Variants in KCNS1 observed in about 807,000 individuals in gnomAD.
The protein encoded by KCNS1 is delayed-rectifier potassium channel regulatory subunit KCNS1.
KCNS1 carries 26 observed loss-of-function variants against 33.1 expected under a neutral mutation model. That is an observed-to-expected ratio of 0.79 (90% CI 0.58 to 1.09). The LOEUF (loss-of-function observed/expected upper bound fraction) is 1.09, where lower values mean the gene tolerates loss of function less well. Ranked by LOEUF, KCNS1 falls within the 50% of genes least tolerant of loss-of-function variation. KCNS1 has a pLI of 0.00. For missense variants in KCNS1, 702 were observed against 752.4 expected (o/e 0.93, Z 0.78); for synonymous variants, 299 against 338.8 (o/e 0.88, Z 1.29).
chr20:45,098,524 G>T lies in KCNS1; in HGVS notation c.248C>A (p.Ala83Glu), dbSNP rs750703786. 4 of 1,506,914 alleles carry T rather than the reference G, an allele frequency of 2.7e-6. No individual in the cohort carries two copies. In the South Asian group the frequency reaches 3.8e-5, roughly 14 times the overall value. 93.3% of individuals were successfully genotyped at this position (1,506,914 alleles called of 1,614,324 possible). ...GTRLGRLQAA[A>E]SEEQARRLCD... is the part of the protein sequence containing the mutation. ...CAGGCGCCGCGCCTGCTCCTCCGAC[G>T]CCGCGGCCTGCAGGCGGCCCAGCCG... is the stretch of plus-strand genomic sequence containing the variant. The change falls in exon 3 of 4, where the codon GCG (alanine) becomes GAG (glutamate). Residue 83 changes from alanine to glutamate, a missense_variant. Around this residue, in one of 3 missense-constraint regions of KCNS1, gnomAD observed 374 missense variants for 352.3 expected, o/e 1.06. Transcript: ENST00000537075. This position sits in a 1 kb window ranked among gnomAD's most constrained non-coding sequence, Gnocchi z 5.2.
Position 45,094,641 on chromosome 20 carries a change from T to C in KCNS1, c.*229A>G. 1 of 518,000 alleles carries C rather than the reference T, an allele frequency of 1.9e-6. No homozygotes were observed. The highest frequency in any genetic ancestry group is 3.4e-6 in the Non-Finnish European group (1 of 291,370). 32.1% of individuals were successfully genotyped at this position (518,000 alleles called of 1,614,324 possible). ...CTCCCTCTGGCTCATGCCTGCTTCA[T>C]GAATGGCTTGGAGGCAGGTTTATAA... On this transcript the variant is annotated 3_prime_UTR_variant, in exon 4 of 4. Transcript: ENST00000537075.
chr20:45,098,482 T>C lies in KCNS1; in HGVS notation c.290A>G (p.Glu97Gly). The C allele has an allele frequency of 6.4e-7, 1 of 1,555,716 alleles. No homozygotes were observed. Among genetic ancestry groups the C allele is most frequent in the Non-Finnish European group, 8.7e-7 (1 of 1,151,278 alleles). The change falls in exon 3 of 4, where the codon GAG (glutamate) becomes GGG (glycine). Residue 97 changes from glutamate (E) to glycine (G), a missense_variant. Physicochemically the swap from Glu to Gly is moderately conservative, Grantham distance 98. Coordinates refer to ENST00000537075, the MANE Select transcript of KCNS1 (RefSeq NM_001322799.2). The surrounding 1 kb of genome is among the most constrained non-coding windows in gnomAD (Gnocchi z 5.2). ...GTCGAAGTAGAATTCGCGCGCCGCCTCGTCGTAGTCGTCGCACAGGCGCCG... is the reference window on the plus strand; with the variant it reads ...GTCGAAGTAGAATTCGCGCGCCGCCCCGTCGTAGTCGTCGCACAGGCGCCG... ...QARRLCDDYD[E>G]AAREFYFDRH...
At position 45,094,112 on chromosome 20, in the gene KCNS1, T is replaced by C. The variant is rs1366144935; in HGVS notation, c.*758A>G. Reference sequence around the variant, plus strand: ...CCCTGGGAGGAAGGTCGGAAGATTATTGCTTAGCAAATCTTGCATACCAGC... The same window carrying C: ...CCCTGGGAGGAAGGTCGGAAGATTACTGCTTAGCAAATCTTGCATACCAGC... On this transcript the variant is annotated 3_prime_UTR_variant, in exon 4 of 4. Transcript: ENST00000537075. The C allele has an allele frequency of 6.6e-6, 1 of 152,222 alleles. No individual in the cohort carries two copies. Among genetic ancestry groups the C allele is most frequent in the Admixed American group, 6.5e-5 (1 of 15,288 alleles). 9.4% of individuals were successfully genotyped at this position (152,222 alleles called of 1,614,324 possible). A position where few individuals can be genotyped will look rare whatever the true frequency, so the allele number is the denominator to read the frequency against.
rs1981083421 is a variant in KCNS1, at chr20:45,093,865, C to T, written c.*1005G>A. On this transcript the variant is annotated 3_prime_UTR_variant, in exon 4 of 4. Transcript: ENST00000537075. The stretch of plus-strand genomic sequence containing the variant: ...GAAGCCAGTATTCATATATGTCAGC[C>T]CTCTGAACATTTCAGAGCTGAGCTG... 1 of 152,200 alleles carries T rather than the reference C, an allele frequency of 6.6e-6. No homozygotes were observed. The highest frequency in any genetic ancestry group is 6.5e-5 in the Admixed American group (1 of 15,280). The allele number at this position is 152,200 out of a possible 1,614,324, so 9.4% of individuals were successfully genotyped here.
Position 45,094,765 on chromosome 20 carries a change from T to C in KCNS1, c.*105A>G. The C allele has an allele frequency of 1.1e-6, 1 of 922,882 alleles. No homozygotes were observed. Among genetic ancestry groups the C allele is most frequent in the Non-Finnish European group, 1.7e-6 (1 of 593,338 alleles). 57.2% of individuals were successfully genotyped at this position (922,882 alleles called of 1,614,324 possible). A position where few individuals can be genotyped will look rare whatever the true frequency, so the allele number is the denominator to read the frequency against. ...GAATGCAGCTTTTGAATCTCATTTC[T>C]CAGGACAGCATGAGTGATCCTGGGA... is the stretch of plus-strand genomic sequence containing the variant. On this transcript the variant is annotated 3_prime_UTR_variant, in exon 4 of 4. Coordinates refer to ENST00000537075, the MANE Select transcript of KCNS1 (RefSeq NM_001322799.2).
chr20:45,096,863 C>T (rs1470557723), intron 3 of KCNS1, among the ~76,000 whole-genome samples: 2 of 152,262 alleles, frequency 1.3e-5, no homozygotes, highest in Non-Finnish European at 1.5e-5. Flanking sequence ...TCTTCAATTT[C>T]ATCTCTGGGA....
Position 45,098,551 on chromosome 20 carries a change from G to A in KCNS1, c.221C>T (p.Thr74Met). The A allele has an allele frequency of 7.1e-6, 10 of 1,417,006 alleles. No individual in the cohort carries two copies. The highest frequency in any genetic ancestry group is 9.2e-6 in the Non-Finnish European group (10 of 1,083,634). The allele number at this position is 1,417,006 out of a possible 1,614,324, so 87.8% of individuals were successfully genotyped here. A position where few individuals can be genotyped will look rare whatever the true frequency, so the allele number is the denominator to read the frequency against. The change falls in exon 3 of 4, where the codon ACG becomes ATG. Residue 74 changes from threonine (T) to methionine (M), a missense_variant. This residue lies in a region of KCNS1 where 374 missense variants were observed against 352.3 expected (regional missense o/e 1.06). Coordinates refer to ENST00000537075, the MANE Select transcript of KCNS1 (RefSeq NM_001322799.2). The surrounding 1 kb of genome is among the most constrained non-coding windows in gnomAD (Gnocchi z 5.2). The stretch of plus-strand genomic sequence containing the variant: ...CGCGGCCTGCAGGCGGCCCAGCCGC[G>A]TGCCCGGGAAGCGCGCCAGGGCGCG... ...SARALARFPGTRLGRLQAAAS... is the reference protein window; with the variant it reads ...SARALARFPGMRLGRLQAAAS...
At position 45,097,848 on chromosome 20, in the gene KCNS1, G is replaced by A. The variant is rs376681351; in HGVS notation, c.924C>T (p.Ile308=). Residue 308 remains isoleucine (I), a synonymous_variant, in exon 3 of 4, where the codon ATC becomes ATT. Coordinates refer to ENST00000537075, the MANE Select transcript of KCNS1 (RefSeq NM_001322799.2). ...RNFFCHPLNL[I]DIVSVLPFYL... ...AGAAGGGCAGCACAGACACAATGTC[G>A]ATGAGGTTGAGCGGGTGGCAGAAGA... 3.7e-6 allele frequency: 6 copies of A among 1,613,378 alleles called. No individual in the cohort carries two copies. The highest frequency in any genetic ancestry group is 1.3e-5 in the African/African-American group (1 of 74,950).
Position 45,097,921 on chromosome 20 carries a change from CT to C in KCNS1, c.850del (p.Ser284AlafsTer134). On this transcript the variant is annotated frameshift_variant, in exon 3 of 4. Transcript: ENST00000537075. LOFTEE classifies it high-confidence loss of function. ...CAGGAGGCGCGACGACACCTCGAAG[CT>C]GAACCAGGCGATGCAGAAGTACTCG... ...RLEYFCIAWF[S>X]FEVSSRLLLA... The C allele has an allele frequency of 6.3e-7, 1 of 1,598,346 alleles. No homozygotes were observed. Among genetic ancestry groups the C allele is most frequent in the Non-Finnish European group, 8.5e-7 (1 of 1,173,138 alleles).
rs73910116 is a variant in KCNS1, at chr20:45,099,192, C to A, written c.45G>T (p.Arg15=). 2 of 1,551,088 alleles carry A rather than the reference C, an allele frequency of 1.3e-6. No individual in the cohort carries two copies. Among genetic ancestry groups the A allele is most frequent in the African/African-American group, 2.7e-5 (2 of 72,968 alleles). The change falls in exon 2 of 4, where the codon CGG becomes CGT. Residue 15 remains arginine (R), a synonymous_variant. Coordinates refer to ENST00000537075, the MANE Select transcript of KCNS1 (RefSeq NM_001322799.2). ...LVRGTHYENL[R]SKVVLPTPLG... ...GGGGTGTTGGCAGCACCACTTTAGA[C>A]CGGAGGTTCTCATAGTGTGTTCCCC...
At position 45,097,660 on chromosome 20, in the gene KCNS1, A is replaced by C; in HGVS notation, c.1110+2T>G. On this transcript the variant is annotated splice_donor_variant, in intron 3 of 3. Transcript: ENST00000537075. LOFTEE classifies it high-confidence loss of function. ...GCTCCAACCTGGCCTCAGAGGCCGT[A>C]CCTTGAGCGTGGCTCCCAGCGAGCG... 6.2e-7 allele frequency: 1 copy of C among 1,601,154 alleles called. No homozygotes were observed. Among genetic ancestry groups the C allele is most frequent in the Non-Finnish European group, 8.5e-7 (1 of 1,178,064 alleles).
rs570515654 is a variant in KCNS1 at position 45,091,599 on chromosome 20, C to T, written c.*3271G>A. Among the ~76,000 whole-genome samples the T allele has an allele frequency of 7.9e-5, 12 of 152,294 alleles. No homozygotes were observed. Among genetic ancestry groups the T allele is most frequent in the Non-Finnish European group, 1.6e-4 (11 of 68,020 alleles). On this transcript the variant is annotated 3_prime_UTR_variant, in exon 4 of 4. Coordinates refer to ENST00000537075, the MANE Select transcript of KCNS1 (RefSeq NM_001322799.2). ...TGTCCATATTTTAATCTCTGGAACC[C>T]GTAACTATTACCTTATTTGGGAAAG... is the stretch of plus-strand genomic sequence containing the variant.
intron 3 of KCNS1, among the ~76,000 whole-genome samples, chr20:45,096,176 G>C (rs1981178988): frequency 6.6e-6 from 1 of 152,204 alleles, no homozygotes; most frequent in African/African-American, 2.4e-5. Context: ...GTCTTGGGTA[G>C]AGCCAGAGAA....
rs1540310 is a variant in KCNS1, at chr20:45,091,344, C to G, written c.*3526G>C. On this transcript the variant is annotated 3_prime_UTR_variant, in exon 4 of 4. Coordinates refer to ENST00000537075, the MANE Select transcript of KCNS1 (RefSeq NM_001322799.2). ...TATGACTCAAGTGAAATCAGACTCT[C>G]TCCTGGGATTGGAACTGTGAGCAGG... is the stretch of plus-strand genomic sequence containing the variant. Among the ~76,000 whole-genome samples the G allele has an allele frequency of 0.47, 71,575 of 152,030 alleles. 17,344 individuals carry two copies. The highest frequency in any genetic ancestry group is 0.56 in the Middle Eastern group (165 of 294).
chr20:45,095,666 CA>C (rs1346832399), intron 3 of KCNS1, among the ~76,000 whole-genome samples: 1 of 152,202 alleles, frequency 6.6e-6, no homozygotes, highest in East Asian at 1.9e-4. Context: ...GTTGCAGAAC[CA>C]AGAGAACCAT....
chr20:45,099,185 C>A lies in KCNS1; in HGVS notation c.52G>T (p.Val18Leu), dbSNP rs1211370598. The A allele has an allele frequency of 2.1e-5, 32 of 1,551,468 alleles. No homozygotes were observed. The highest frequency in any genetic ancestry group is 2.7e-5 in the Non-Finnish European group (31 of 1,146,864). Residue 18 changes from valine to leucine, a missense_variant, in exon 2 of 4, where the codon GTG (valine) becomes TTG (leucine). Physicochemically the swap from Val to Leu is conservative, Grantham distance 32. This residue lies in a region of KCNS1 where 374 missense variants were observed against 352.3 expected (regional missense o/e 1.06). Transcript: ENST00000537075. Reference sequence around the variant, plus strand: ...CCTCCTAGGGGTGTTGGCAGCACCACTTTAGACCGGAGGTTCTCATAGTGT... The same window carrying A: ...CCTCCTAGGGGTGTTGGCAGCACCAATTTAGACCGGAGGTTCTCATAGTGT... ...GTHYENLRSK[V>L]VLPTPLGGRS...
Position 45,098,332 on chromosome 20 carries a change from G to A in KCNS1, c.440C>T (p.Ala147Val). The A allele has an allele frequency of 6.4e-7, 1 of 1,572,078 alleles. No homozygotes were observed. The highest frequency in any genetic ancestry group is 8.6e-7 in the Non-Finnish European group (1 of 1,160,132). The change falls in exon 3 of 4, where the codon GCG becomes GTG. Residue 147 changes from alanine to valine, a missense_variant. Ala to Val is a moderately conservative substitution (Grantham distance 64). Coordinates refer to ENST00000537075, the MANE Select transcript of KCNS1 (RefSeq NM_001322799.2). This position sits in a 1 kb window ranked among gnomAD's most constrained non-coding sequence, Gnocchi z 5.2. ...EADYWGLGEN[A>V]LAACCRARYL... The stretch of plus-strand genomic sequence containing the variant: ...GCGCGCGCGGCAGCACGCGGCAAGC[G>A]CGTTCTCGCCTAGGCCCCAGTAGTC...
chr20:45,095,668 A>G (rs1981162863), intron 3 of KCNS1, among the ~76,000 whole-genome samples: 1 of 152,252 alleles, frequency 6.6e-6, no homozygotes, highest in African/African-American at 2.4e-5. Flanking sequence ...TGCAGAACCA[A>G]GAGAACCATA....
At position 45,098,258 on chromosome 20, in the gene KCNS1, C is replaced by T. The variant is rs905324525; in HGVS notation, c.514G>A (p.Asp172Asn). ...CACGGGTCCACGCTGCTCGGCGTGT[C>T]GCTGTCCTCGTCCCAGGCGTGCGGC... ...TQPHAWDEDS[D>N]TPSSVDPCPD... Residue 172 changes from aspartate to asparagine, a missense_variant, in exon 3 of 4, where the codon GAC (aspartate) becomes AAC (asparagine). By Grantham distance (23) the Asp-to-Asn change is conservative. This residue lies in a region of KCNS1 where 374 missense variants were observed against 352.3 expected (regional missense o/e 1.06). Coordinates refer to ENST00000537075, the MANE Select transcript of KCNS1 (RefSeq NM_001322799.2). This position sits in a 1 kb window ranked among gnomAD's most constrained non-coding sequence, Gnocchi z 5.2. 2.5e-6 allele frequency: 4 copies of T among 1,595,386 alleles called. No homozygotes were observed. In the Admixed American group the frequency reaches 6.9e-5, roughly 28 times the overall value.
Sources: allele counts gnomAD v4.1 joint callset (sites outside exome capture counted in the v4.1 genomes callset), GRCh38; gene constraint gnomAD v4.1.1; regional missense constraint gnomAD v4.1.1; non-coding constraint Gnocchi (gnomAD v3.1); transcripts MANE v1.5; gene names NCBI Gene and HGNC (gene_info 2026-07-23, HGNC 2026-07-21).